Variants in UPF2 observed in about 807,000 individuals in gnomAD.
UPF2 encodes UPF2 regulator of nonsense mediated mRNA decay, also known as regulator of nonsense transcripts 2.
In UPF2, 17 loss-of-function variants were observed where a neutral mutation model predicts 141.4. That is an observed-to-expected ratio of 0.12 (90% CI 0.08 to 0.18). UPF2 has a LOEUF of 0.18. UPF2 is among the 10% of genes least tolerant of loss of function. The pLI is 1.00. For missense variants in UPF2, 1,152 were observed against 1,515.9 expected (o/e 0.76, Z 3.99); for synonymous variants, 540 against 498.0 (o/e 1.08, Z -1.12).
At chr10:12,005,085 A>G (rs1416163687) in intron 4 of UPF2, among the ~76,000 whole-genome samples, 1 of 144,900 alleles carries the variant, frequency 6.9e-6, no homozygotes, top group Non-Finnish European at 1.5e-5. Context: ...ACATCCGTTT[A>G]AAGTCCCACC....
chr10:11,989,627 TGTGA>T (rs768364111), intron 8 of UPF2, among the ~76,000 whole-genome samples: 13 of 152,362 alleles, frequency 8.5e-5, no homozygotes, highest in Admixed American at 4.6e-4. Flanking sequence ...AACAAATCCC[TGTGA>T]GTATTTCCGT....
chr10:11,921,329 C>T lies in UPF2; in HGVS notation c.3810-22G>A, dbSNP rs372182922. ...TCTCCTAAAGGAACAAACAGGGTCA[C>T]ATCAGAGAGCTTACTGCCACAGGAC... On this transcript the variant is annotated intron_variant, in intron 21 of 21. Coordinates refer to ENST00000357604, the MANE Select transcript of UPF2 (RefSeq NM_015542.4). This position sits in a 1 kb window ranked among gnomAD's most constrained non-coding sequence, Gnocchi z 5.9. The T allele has an allele frequency of 2.2e-5, 35 of 1,614,144 alleles. No individual in the cohort carries two copies. In the African/African-American group the frequency reaches 4.0e-4, roughly 18 times the overall value.
At chr10:11,934,674 C>T (rs938012527) in intron 19 of UPF2, among the ~76,000 whole-genome samples, 4 of 152,222 alleles carry the variant, frequency 2.6e-5, no homozygotes, top group Admixed American at 1.3e-4. Flanking sequence ...ACTACAACCT[C>T]CACCTCCTGG....
At position 11,931,885 on chromosome 10, in the gene UPF2, T is replaced by C; in HGVS notation, c.3547-103A>G. 1 of 1,316,510 alleles carries C rather than the reference T, an allele frequency of 7.6e-7. No homozygotes were observed. The highest frequency in any genetic ancestry group is 1.0e-6 in the Non-Finnish European group (1 of 971,650). 81.6% of individuals were successfully genotyped at this position (1,316,510 alleles called of 1,614,324 possible). A position where few individuals can be genotyped will look rare whatever the true frequency, so the allele number is the denominator to read the frequency against. ...GCAAGTACAGGCTGGGCACGGTGGC[T>C]CACGCCTGTAATCCCAGCACTTTGG... On this transcript the variant is annotated intron_variant, in intron 19 of 21. Coordinates refer to ENST00000357604, the MANE Select transcript of UPF2 (RefSeq NM_015542.4). The surrounding 1 kb of genome is among the most constrained non-coding windows in gnomAD (Gnocchi z 5.9).
In UPF2 at chr10:12,004,651, A is replaced by C. The variant is rs867215928; in HGVS notation, c.1383T>G (p.Asp461Glu). ...EYDLEGGIWEDEDARNFYENL... is the reference protein window; with the variant it reads ...EYDLEGGIWEEEDARNFYENL... ...TCTCATAAAAATTCCGAGCATCTTC[A>C]TCTTCCCATATACCACCTTCCAAGT... Residue 461 changes from aspartate to glutamate, a missense_variant, in exon 5 of 22, where the codon GAT becomes GAG. Physicochemically the swap from Asp to Glu is conservative, Grantham distance 45. Around this residue, in one of 4 missense-constraint regions of UPF2, gnomAD observed 739 missense variants for 1,032.2 expected, o/e 0.72. Coordinates refer to ENST00000357604, the MANE Select transcript of UPF2 (RefSeq NM_015542.4). The C allele has an allele frequency of 6.2e-7, 1 of 1,613,900 alleles. No individual in the cohort carries two copies. Among genetic ancestry groups the C allele is most frequent in the Non-Finnish European group, 8.5e-7 (1 of 1,179,916 alleles).
intron 8 of UPF2, among the ~76,000 whole-genome samples, chr10:11,985,884 C>CTTTTTTTTTTTT (rs746117868): frequency 0.036 from 3,591 of 100,430 alleles, 187 homozygotes; most frequent in East Asian, 0.06. Context: ...TAGATCCTTC[C>CTTTTTTTTTTTT]TTTTTTTTTT....
intron 9 of UPF2, among the ~76,000 whole-genome samples, chr10:11,973,813 T>C (rs180939145): frequency 1.3e-5 from 2 of 152,322 alleles, no homozygotes; most frequent in African/African-American, 2.4e-5. Context: ...TGAAGTCAGG[T>C]TGCATGATGC....
chr10:11,987,332 GA>G (rs1554780029), intron 8 of UPF2, among the ~76,000 whole-genome samples: 1 of 152,048 alleles, frequency 6.6e-6, no homozygotes, highest in South Asian at 2.1e-4. Context: ...TTTAAAAGTT[GA>G]AGACAAAAAA....
intron 8 of UPF2, among the ~76,000 whole-genome samples, chr10:11,995,674 T>G (rs2131257968): frequency 6.6e-6 from 1 of 152,152 alleles, no homozygotes; most frequent in South Asian, 2.1e-4. Flanking sequence ...TCCCAGCTAC[T>G]CGGGAGGCTG....
intron 9 of UPF2, among the ~76,000 whole-genome samples, chr10:11,971,503 C>T (rs1216221090): frequency 6.6e-6 from 1 of 152,108 alleles, no homozygotes; most frequent in Admixed American, 6.6e-5. Context: ...CCGCCCACCT[C>T]GGCCACCCAA....
intron 3 of UPF2, among the ~76,000 whole-genome samples, chr10:12,020,237 A>C (rs1834293448): frequency 6.6e-6 from 1 of 151,444 alleles, no homozygotes; most frequent in Admixed American, 6.6e-5. Context: ...TATTATCCTA[A>C]AAAATAAATT....
chr10:11,947,842 CT>C, intron 16 of UPF2, among the ~76,000 whole-genome samples: 1 of 146,692 alleles, frequency 6.8e-6, no homozygotes, highest in East Asian at 2.0e-4. Context: ...CTTTAAATTG[CT>C]TATTAAATAA....
At position 11,938,863 on chromosome 10, in the gene UPF2, T is replaced by TTG. The variant is rs1175759600; in HGVS notation, c.3379-2152_3379-2151insCA. 2.1e-3 allele frequency among the ~76,000 whole-genome samples: 168 copies of TTG among 81,092 alleles called. 2 individuals are homozygous for TTG. The highest frequency in any genetic ancestry group is 3.1e-3 in the Non-Finnish European group (129 of 41,822). The allele number at this position is 81,092 out of a possible 152,430, so 53.2% of individuals were successfully genotyped here. ...GCAAGTTTTTTTTTTGTTTTTTTTT[T>TTG]TTTTTTTTTTTTTTTTTTTGGAGAC... is the stretch of plus-strand genomic sequence containing the variant. On this transcript the variant is annotated intron_variant, in intron 18 of 21. Coordinates refer to ENST00000357604, the MANE Select transcript of UPF2 (RefSeq NM_015542.4).
At chr10:11,964,879 A>G (rs1427084115) in intron 10 of UPF2, among the ~76,000 whole-genome samples, 1 of 152,208 alleles carries the variant, frequency 6.6e-6, no homozygotes, top group Non-Finnish European at 1.5e-5. Context: ...ATAATGAGAC[A>G]GCCTGAGGAT....
intron 11 of UPF2, among the ~76,000 whole-genome samples, chr10:11,963,618 T>C (rs1833274057): frequency 6.6e-6 from 1 of 152,236 alleles, no homozygotes; most frequent in South Asian, 2.1e-4. Context: ...TAAAATTTAA[T>C]ATATTTAAGC....
At chr10:11,989,185 C>G (rs1016995449) in intron 8 of UPF2, among the ~76,000 whole-genome samples, 2 of 152,268 alleles carry the variant, frequency 1.3e-5, no homozygotes, top group Admixed American at 1.3e-4. Context: ...CCAAATCCCA[C>G]AGTAATGAAC....
chr10:11,949,303 T>G (rs1441389221), intron 15 of UPF2, among the ~76,000 whole-genome samples: 1 of 152,220 alleles, frequency 6.6e-6, no homozygotes, highest in African/African-American at 2.4e-5. Context: ...CAGAACACAC[T>G]GCTTTGAAAT....
chr10:12,024,373 A>G (rs57414974), intron 3 of UPF2, among the ~76,000 whole-genome samples: 32,261 of 151,798 alleles, frequency 0.21, 3,779 homozygotes, highest in East Asian at 0.46. Context: ...ACTTTGGGAG[A>G]CCAAGGCAGG....
At chr10:11,972,851 C>A (rs572441518) in intron 9 of UPF2, among the ~76,000 whole-genome samples, 1 of 152,062 alleles carries the variant, frequency 6.6e-6, no homozygotes, top group South Asian at 2.1e-4. Context: ...CATACGTGTG[C>A]GTGTGTCTTT....
Sources: allele counts gnomAD v4.1 joint callset (sites outside exome capture counted in the v4.1 genomes callset), GRCh38; gene constraint gnomAD v4.1.1; regional missense constraint gnomAD v4.1.1; non-coding constraint Gnocchi (gnomAD v3.1); transcripts MANE v1.5; gene names NCBI Gene and HGNC (gene_info 2026-07-23, HGNC 2026-07-21).